Variants in CPNE4 observed in about 807,000 individuals in gnomAD.
CPNE4 encodes the protein copine 4.
In CPNE4, 25 loss-of-function variants were observed where a neutral mutation model predicts 67.9. The observed-to-expected ratio is 0.37, with a 90% CI of 0.27 to 0.51. The LOEUF is 0.51. Ranked by LOEUF, CPNE4 falls within the 20% of genes least tolerant of loss-of-function variation. The pLI is 0.93. For missense variants in CPNE4, 464 were observed against 690.8 expected (o/e 0.67, Z 3.68); for synonymous variants, 242 against 244.9 (o/e 0.99, Z 0.11).
chr3:131,804,036 A>G (rs779427473), intron 2 of CPNE4, among the ~76,000 whole-genome samples: 3 of 152,188 alleles, frequency 2.0e-5, no homozygotes, highest in African/African-American at 2.4e-5. Flanking sequence ...TCTAGAGTCA[A>G]TTAGTCTCTC....
chr3:131,959,968 T>C (rs1406502370), intron 1 of CPNE4, among the ~76,000 whole-genome samples: 1 of 152,226 alleles, frequency 6.6e-6, no homozygotes, highest in Admixed American at 6.5e-5. Context: ...TATGTCATAC[T>C]TCTAGGTGTT....
intron 2 of CPNE4, among the ~76,000 whole-genome samples, chr3:131,846,803 G>A (rs1053657859): frequency 5.9e-5 from 9 of 152,122 alleles, no homozygotes; most frequent in Non-Finnish European, 5.9e-5. Flanking sequence ...GCTGAGCATC[G>A]AGATTTTACA....
intron 1 of CPNE4, among the ~76,000 whole-genome samples, chr3:132,023,195 A>G (rs2074035895): frequency 1.3e-5 from 2 of 152,156 alleles, no homozygotes; most frequent in African/African-American, 2.4e-5. Flanking sequence ...CACGCACTCT[A>G]GTCCAATCGT....
At chr3:131,536,375 A>G (rs1027283387) in intron 15 of CPNE4, among the ~76,000 whole-genome samples, 1 of 152,214 alleles carries the variant, frequency 6.6e-6, no homozygotes, top group East Asian at 1.9e-4. Context: ...GGCATTTAGT[A>G]TTAACTGTAC....
At chr3:131,774,753 G>T (rs1021828948) in intron 2 of CPNE4, among the ~76,000 whole-genome samples, 1 of 151,984 alleles carries the variant, frequency 6.6e-6, no homozygotes, top group African/African-American at 2.4e-5. Context: ...CCTGCCTCTC[G>T]TCCACTATCT....
At chr3:131,878,215 A>C (rs1393063780) in intron 2 of CPNE4, among the ~76,000 whole-genome samples, 1 of 152,184 alleles carries the variant, frequency 6.6e-6, no homozygotes, top group African/African-American at 2.4e-5. Context: ...ACTGGAAGCA[A>C]CCCCTATGTT....
chr3:131,850,238 T>C (rs2086184515), intron 2 of CPNE4, among the ~76,000 whole-genome samples: 1 of 152,122 alleles, frequency 6.6e-6, no homozygotes, highest in Non-Finnish European at 1.5e-5. Context: ...AAATGCTCTC[T>C]AAGGGTTTTT....
chr3:131,883,753 C>T (rs554646311), intron 2 of CPNE4, among the ~76,000 whole-genome samples: 2 of 152,284 alleles, frequency 1.3e-5, no homozygotes, highest in Admixed American at 1.3e-4. Context: ...ACCCTCTTCA[C>T]AAAATTGTAA....
intron 2 of CPNE4, among the ~76,000 whole-genome samples, chr3:131,898,971 C>T (rs2088446182): frequency 6.6e-6 from 1 of 152,034 alleles, no homozygotes; most frequent in African/African-American, 2.4e-5. Context: ...AGAAAACTGT[C>T]GTTTTTTTAT....
intron 2 of CPNE4, among the ~76,000 whole-genome samples, chr3:131,866,066 T>C (rs1177177380): frequency 6.6e-6 from 1 of 152,222 alleles, no homozygotes; most frequent in East Asian, 1.9e-4. Context: ...AGGTAATCCC[T>C]GAAAGGACTA....
chr3:131,870,708 C>T (rs957386304), intron 2 of CPNE4, among the ~76,000 whole-genome samples: 1 of 152,084 alleles, frequency 6.6e-6, no homozygotes, highest in African/African-American at 2.4e-5. Context: ...CCCCCGAAAC[C>T]AGCTTCTTTT....
chr3:131,613,768 C>T (rs1939979525), intron 7 of CPNE4, among the ~76,000 whole-genome samples: 1 of 152,106 alleles, frequency 6.6e-6, no homozygotes, highest in Non-Finnish European at 1.5e-5. Flanking sequence ...CATCACTCCC[C>T]TTTGTGTCTT....
chr3:131,588,140 C>T (rs1938303820), intron 7 of CPNE4, among the ~76,000 whole-genome samples: 2 of 152,162 alleles, frequency 1.3e-5, no homozygotes, highest in South Asian at 2.1e-4. Context: ...TTAAACGTAC[C>T]TATGTGAAAA....
At chr3:131,623,294 TC>T (rs1288666405) in intron 7 of CPNE4, among the ~76,000 whole-genome samples, 1 of 152,130 alleles carries the variant, frequency 6.6e-6, no homozygotes, top group African/African-American at 2.4e-5. Flanking sequence ...TGAAATGAAA[TC>T]CTTCATTGGG....
chr3:131,970,713 T>A (rs1325135098), intron 1 of CPNE4, among the ~76,000 whole-genome samples: 1 of 152,194 alleles, frequency 6.6e-6, no homozygotes, highest in African/African-American at 2.4e-5. Flanking sequence ...CAGCTTCACA[T>A]TAGATTTCAT....
intron 11 of CPNE4, among the ~76,000 whole-genome samples, chr3:131,560,383 G>A (rs1248583167): frequency 6.6e-6 from 1 of 151,984 alleles, no homozygotes; most frequent in African/African-American, 2.4e-5. Flanking sequence ...TAGAAGGCTT[G>A]TCTGGTCTAA....
chr3:131,578,858 G>A (rs531766887), intron 9 of CPNE4, among the ~76,000 whole-genome samples: 1 of 152,268 alleles, frequency 6.6e-6, no homozygotes, highest in South Asian at 2.1e-4. Context: ...GAGGAGGTTG[G>A]TTCATGAGGT....
At chr3:131,710,438 T>A (rs146372837) in intron 3 of CPNE4, among the ~76,000 whole-genome samples, 33 of 152,298 alleles carry the variant, frequency 2.2e-4, no homozygotes, top group Admixed American at 3.9e-4. Flanking sequence ...GATACTTTTA[T>A]CCTCTCTGTG....
At chr3:131,539,420 C>G (rs1935353341) in intron 15 of CPNE4, among the ~76,000 whole-genome samples, 1 of 152,090 alleles carries the variant, frequency 6.6e-6, no homozygotes, top group South Asian at 2.1e-4. Context: ...CTTTGAGGTC[C>G]TGTAACAACA....
Sources: allele counts gnomAD v4.1 joint callset (sites outside exome capture counted in the v4.1 genomes callset), GRCh38; gene constraint gnomAD v4.1.1; transcripts MANE v1.5; gene names NCBI Gene and HGNC (gene_info 2026-07-23, HGNC 2026-07-21).